The following EFCAB12 variants were observed in gnomAD, a reference collection of about 807,000 sequenced individuals.
EFCAB12 encodes EF-hand calcium binding domain 12.
EFCAB12 carries 43 observed loss-of-function variants against 53.6 expected under a neutral mutation model. That is an observed-to-expected ratio of 0.80 (90% confidence interval 0.63 to 1.03). The LOEUF (loss-of-function observed/expected upper bound fraction) is 1.03, where lower values mean the gene tolerates loss of function less well. EFCAB12 is among the 50% of genes least tolerant of loss of function. EFCAB12 has a pLI of 0.00. For synonymous variants in EFCAB12, 269 were observed against 289.2 expected (o/e 0.93, Z 0.71); for missense variants, 646 against 730.6 (o/e 0.88, Z 1.34).
Position 129,408,861 on chromosome 3 carries a change from G to A in EFCAB12, c.1036-3C>T, listed in dbSNP as rs1199761549. The stretch of plus-strand genomic sequence containing the variant: ...TACTGGATGGAGGGGATCGTGAGCT[G>A]CGAAGGAAGCAGAAAGGGGCTCGCC... On this transcript the variant is annotated splice_polypyrimidine_tract_variant and splice_region_variant and intron_variant, in intron 5 of 8. Coordinates refer to ENST00000505956, the MANE Select transcript of EFCAB12 (RefSeq NM_207307.3). 6.4e-7 allele frequency: 1 copy of A among 1,563,328 alleles called. No homozygotes were observed. Among genetic ancestry groups the A allele is most frequent in the Admixed American group, 1.9e-5 (1 of 52,458 alleles).
Position 129,421,400 on chromosome 3 carries a change from T to C in EFCAB12, c.453A>G (p.Pro151=). Residue 151 remains proline, a synonymous_variant, in exon 2 of 9, where the codon CCA becomes CCG. Transcript: ENST00000505956. ...TCCTGGTAGTTGCCTGGGAGGCATT[T>C]GGCTGGGCACTCTGCTCCTCGTGGA... is the stretch of plus-strand genomic sequence containing the variant. ...HMIHEEQSAQ[P]NASQATTRTT... is the part of the protein sequence containing the mutation. The C allele has an allele frequency of 6.2e-7, 1 of 1,610,054 alleles. No individual in the cohort carries two copies. The highest frequency in any genetic ancestry group is 8.5e-7 in the Non-Finnish European group (1 of 1,176,716).
chr3:129,424,129 A>G (rs1223261741), intron 1 of EFCAB12, among the ~76,000 whole-genome samples: 1 of 149,616 alleles, frequency 6.7e-6, no homozygotes, highest in Non-Finnish European at 1.5e-5. Context: ...CCCAGTGACC[A>G]GGACTGTGTC....
intron 3 of EFCAB12, among the ~76,000 whole-genome samples, chr3:129,417,125 G>C (rs2072124728): frequency 6.6e-6 from 1 of 151,898 alleles, no homozygotes; most frequent in Non-Finnish European, 1.5e-5. Context: ...AAGAGATCAA[G>C]ACCATCCTGG....
At position 129,421,472 on chromosome 3, in the gene EFCAB12, C is replaced by T; in HGVS notation, c.381G>A (p.Glu127=). ...CTGAAGGCGTGATGCTGGGCTTGTT[C>T]TCCAGCCACCTCTTTACATCACCAA... The part of the protein sequence containing the change: ...ESFGDVKRWL[E]NKPSITPSEA... Residue 127 remains glutamate, a synonymous_variant, in exon 2 of 9, where the codon GAG becomes GAA. Coordinates refer to ENST00000505956, the MANE Select transcript of EFCAB12 (RefSeq NM_207307.3). 6.2e-7 allele frequency: 1 copy of T among 1,614,054 alleles called. No homozygotes were observed. Among genetic ancestry groups the T allele is most frequent in the Non-Finnish European group, 8.5e-7 (1 of 1,179,906 alleles).
chr3:129,421,347 T>A lies in EFCAB12; in HGVS notation c.486+20A>T. The A allele has an allele frequency of 6.3e-7, 1 of 1,586,166 alleles. No homozygotes were observed. Among genetic ancestry groups the A allele is most frequent in the East Asian group, 2.3e-5 (1 of 44,430 alleles). On this transcript the variant is annotated intron_variant, in intron 2 of 8. Coordinates refer to ENST00000505956, the MANE Select transcript of EFCAB12 (RefSeq NM_207307.3). ...TCCCTAAACCCTTGGTGTCTTCATC[T>A]GGCAAATGGGGCTGCTCACCCTGGT...
At position 129,418,244 on chromosome 3, in the gene EFCAB12, TG is replaced by T. The variant is rs1481190227; in HGVS notation, c.681+9del. On this transcript the variant is annotated intron_variant, in intron 3 of 8. Transcript: ENST00000505956. ...CTTAGGCCCATCCAGAGAAAGCAGG[TG>T]GCACTTACTGCCTTTACAGCCGCGA... 3 of 1,599,866 alleles carry T rather than the reference TG, an allele frequency of 1.9e-6. No individual in the cohort carries two copies. The Admixed American group carries it at 5.1e-5, about 27-fold the overall frequency.
chr3:129,415,087 C>G (rs938852884), intron 4 of EFCAB12, 158 bp downstream of exon 4: 21 of 803,330 alleles, frequency 2.6e-5, no homozygotes, highest in Non-Finnish European at 3.6e-5. Context: ...TAGTTAATCT[C>G]TGGGCCTGAA....
chr3:129,416,816 A>C (rs1350336647), intron 3 of EFCAB12, among the ~76,000 whole-genome samples: 1 of 152,108 alleles, frequency 6.6e-6, no homozygotes, highest in Non-Finnish European at 1.5e-5. Context: ...CACTGGGATA[A>C]GTTTTTTAAT....
chr3:129,401,419 CCT>C lies in EFCAB12; in HGVS notation c.*172_*173del. On this transcript the variant is annotated 3_prime_UTR_variant, in exon 9 of 9. Transcript: ENST00000505956. ...CACGTCATTCCTTGGACACATCTAC[CCT>C]CTGAGACACTGGACACTTTGAGTCC... The C allele has an allele frequency of 2.4e-6, 2 of 847,158 alleles. No individual in the cohort carries two copies. Among genetic ancestry groups the C allele is most frequent in the Non-Finnish European group, 3.5e-6 (2 of 575,574 alleles). 52.5% of individuals were successfully genotyped at this position (847,158 alleles called of 1,614,324 possible). A position where few individuals can be genotyped will look rare whatever the true frequency, so the allele number is the denominator to read the frequency against.
Position 129,401,518 on chromosome 3 carries a change from G to A in EFCAB12, c.*75C>T, listed in dbSNP as rs2071869330. 5 of 1,449,580 alleles carry A rather than the reference G, an allele frequency of 3.4e-6. No individual in the cohort carries two copies. The Admixed American group carries it at 1.1e-4, about 32-fold the overall frequency. The allele number at this position is 1,449,580 out of a possible 1,614,324, so 89.8% of individuals were successfully genotyped here. A position where few individuals can be genotyped will look rare whatever the true frequency, so the allele number is the denominator to read the frequency against. On this transcript the variant is annotated 3_prime_UTR_variant, in exon 9 of 9. Coordinates refer to ENST00000505956, the MANE Select transcript of EFCAB12 (RefSeq NM_207307.3). Reference sequence around the variant, plus strand: ...AGTTTGACTCTTTGACACTCCTCTTGTGTCTGGGCTCTGGGCCGCTGGCTG... The same window carrying A: ...AGTTTGACTCTTTGACACTCCTCTTATGTCTGGGCTCTGGGCCGCTGGCTG...
chr3:129,416,276 G>C (rs904754809), intron 3 of EFCAB12, among the ~76,000 whole-genome samples: 8 of 152,242 alleles, frequency 5.3e-5, no homozygotes, highest in South Asian at 4.1e-4. Context: ...AAATTAGCCA[G>C]GCATGGGGAC....
Position 129,401,407 on chromosome 3 carries a change from G to T in EFCAB12, c.*186C>A. 1 of 725,082 alleles carries T rather than the reference G, an allele frequency of 1.4e-6. No homozygotes were observed. The highest frequency in any genetic ancestry group is 2.1e-6 in the Non-Finnish European group (1 of 476,724). 44.9% of individuals were successfully genotyped at this position (725,082 alleles called of 1,614,324 possible). A position where few individuals can be genotyped will look rare whatever the true frequency, so the allele number is the denominator to read the frequency against. On this transcript the variant is annotated 3_prime_UTR_variant, in exon 9 of 9. Transcript: ENST00000505956. ...AGTCAAAAACTGCACGTCATTCCTT[G>T]GACACATCTACCCTCTGAGACACTG...
In EFCAB12 at chr3:129,421,797, C is replaced by A. The variant is rs1301663742; in HGVS notation, c.56G>T (p.Cys19Phe). 1 of 1,611,070 alleles carries A rather than the reference C, an allele frequency of 6.2e-7. No individual in the cohort carries two copies. The highest frequency in any genetic ancestry group is 1.3e-5 in the African/African-American group (1 of 74,994). ...HSLFLSLLGL[C>F]PSKTPINENA... The stretch of plus-strand genomic sequence containing the variant: ...TTCATTGATGGGAGTCTTAGACGGG[C>A]AGAGTCCTTGGGGTAAGAGAGTTAA... Residue 19 changes from cysteine (C) to phenylalanine (F), a missense_variant, in exon 2 of 9, where the codon TGC becomes TTC. Coordinates refer to ENST00000505956, the MANE Select transcript of EFCAB12 (RefSeq NM_207307.3).
chr3:129,411,660 C>T (rs185133465), intron 4 of EFCAB12: 454 of 219,094 alleles, frequency 2.1e-3, no homozygotes, highest in African/African-American at 9.7e-3. Flanking sequence ...TATAGCCAGG[C>T]GCGGTGGCTC....
At chr3:129,408,932 C>A (rs2071993736) in intron 5 of EFCAB12, 74 bp from the exon 6 acceptor site, 2 of 1,499,946 alleles carry the variant, frequency 1.3e-6, no homozygotes, top group South Asian at 1.2e-5. Context: ...AAGGAAGATG[C>A]AGTGCCTCAT....
chr3:129,405,656 T>C (rs2071940376), intron 6 of EFCAB12, among the ~76,000 whole-genome samples: 1 of 152,180 alleles, frequency 6.6e-6, no homozygotes, highest in Non-Finnish European at 1.5e-5. Flanking sequence ...AGACCTTGTT[T>C]AGAATTCTGG....
At chr3:129,424,135 G>A (rs2072222206) in intron 1 of EFCAB12, among the ~76,000 whole-genome samples, 1 of 152,218 alleles carries the variant, frequency 6.6e-6, no homozygotes, top group Non-Finnish European at 1.5e-5. Context: ...GACCAGGACT[G>A]TGTCTTAGTT....
chr3:129,418,732 T>C (rs2072153027), intron 2 of EFCAB12, among the ~76,000 whole-genome samples: 1 of 152,312 alleles, frequency 6.6e-6, no homozygotes, highest in Non-Finnish European at 1.5e-5. Context: ...CCAGTCAGTA[T>C]GCGTAATCCC....
In EFCAB12 at chr3:129,421,384, T is replaced by A. The variant is rs1425509330; in HGVS notation, c.469A>T (p.Thr157Ser). The change falls in exon 2 of 9, where the codon ACT (threonine) becomes TCT (serine). Residue 157 changes from threonine (T) to serine (S), a missense_variant. Thr to Ser is a moderately conservative substitution (Grantham distance 58, BLOSUM62 1). Transcript: ENST00000505956. The part of the protein sequence containing the change: ...QSAQPNASQA[T>S]TRTTRKKAPR... ...CTGCTCACCCTGGTGGTCCTGGTAG[T>A]TGCCTGGGAGGCATTTGGCTGGGCA... 1.2e-6 allele frequency: 2 copies of A among 1,607,138 alleles called. No individual in the cohort carries two copies. The highest frequency in any genetic ancestry group is 1.7e-6 in the Non-Finnish European group (2 of 1,174,456).
Sources: gnomAD v4.1 joint callset for allele counts (sites outside exome capture counted in the v4.1 genomes callset) on GRCh38, gnomAD v4.1.1 for gene constraint, MANE v1.5 for transcripts, NCBI Gene and HGNC (gene_info 2026-07-23, HGNC 2026-07-21) for gene names.